The following FAM81B variants were observed in gnomAD, a reference collection of about 807,000 sequenced individuals.
FAM81B encodes the protein family with sequence similarity 81 member B, also known as protein FAM81B.
FAM81B carries 60 observed loss-of-function variants against 58.7 expected under a neutral mutation model. That is an observed-to-expected ratio of 1.02 (90% CI 0.83 to 1.27). The LOEUF is 1.27. Among genes scored for constraint, FAM81B ranks in the 50% most tolerant of loss-of-function variants. The pLI is 0.00. For synonymous variants in FAM81B, 189 were observed against 179.6 expected, an observed-to-expected ratio of 1.05 and a Z score of -0.42; for missense variants, 491 against 522.0, an observed-to-expected ratio of 0.94 and a Z score of 0.58.
At position 95,420,347 on chromosome 5, in the gene FAM81B, G is replaced by A. The variant is rs766816245; in HGVS notation, c.601G>A (p.Glu201Lys). 2.7e-5 allele frequency: 44 copies of A among 1,613,738 alleles called. No homozygotes were observed. The highest frequency in any genetic ancestry group is 1.1e-4 in the East Asian group (5 of 44,888). The change falls in exon 5 of 10, where the codon GAG (glutamate) becomes AAG (lysine). Residue 201 changes from glutamate (E) to lysine (K), a missense_variant. Glu to Lys is a moderately conservative substitution (Grantham distance 56). Coordinates refer to ENST00000283357, the MANE Select transcript of FAM81B (RefSeq NM_152548.3). ...CACAGGAACTAACTTTGCAGTACACGAGATAAACATCAAACACCTACAAGG... is the reference window on the plus strand; with the variant it reads ...CACAGGAACTAACTTTGCAGTACACAAGATAAACATCAAACACCTACAAGG... ...AATGTNFAVH[E>K]INIKHLQGVG...
At chr5:95,430,504 T>C (rs1744833066) in intron 6 of FAM81B, among the ~76,000 whole-genome samples, 1 of 151,944 alleles carries the variant, frequency 6.6e-6, no homozygotes, top group Non-Finnish European at 1.5e-5. Context: ...ACCTTCCTTA[T>C]CTTTTTTTAC....
chr5:95,409,849 A>G (rs565295989), intron 3 of FAM81B, among the ~76,000 whole-genome samples: 7 of 152,338 alleles, frequency 4.6e-5, no homozygotes, highest in African/African-American at 1.7e-4. Context: ...GGAAGAAACA[A>G]ACTTCTTATT....
intron 3 of FAM81B, among the ~76,000 whole-genome samples, chr5:95,413,443 T>A (rs1434702349): frequency 6.6e-6 from 1 of 152,166 alleles, no homozygotes; most frequent in Non-Finnish European, 1.5e-5. Flanking sequence ...ATAATTCTGT[T>A]AGACAATATG....
intron 7 of FAM81B, among the ~76,000 whole-genome samples, chr5:95,445,520 T>G (rs1311419096): frequency 3.3e-5 from 5 of 152,168 alleles, no homozygotes; most frequent in Non-Finnish European, 7.3e-5. Context: ...CAACTGATGA[T>G]ATATGATTCC....
intron 7 of FAM81B, among the ~76,000 whole-genome samples, chr5:95,442,176 C>T (rs1007862502): frequency 6.6e-6 from 1 of 152,128 alleles, no homozygotes; most frequent in East Asian, 1.9e-4. Flanking sequence ...AATGAATGAA[C>T]GATTTTTGAG....
At chr5:95,419,530 T>C (rs1349774224) in intron 4 of FAM81B, among the ~76,000 whole-genome samples, 1 of 152,178 alleles carries the variant, frequency 6.6e-6, no homozygotes, top group Non-Finnish European at 1.5e-5. Flanking sequence ...TTTTTAAATT[T>C]TTTAAATCAA....
At chr5:95,446,886 G>A (rs964826512) in intron 8 of FAM81B, among the ~76,000 whole-genome samples, 189 bp downstream of exon 8, 3 of 150,184 alleles carry the variant, frequency 2.0e-5, no homozygotes, top group Non-Finnish European at 3.0e-5. Flanking sequence ...CCCCAACTCT[G>A]CAAACCTGTG....
intron 7 of FAM81B, among the ~76,000 whole-genome samples, chr5:95,441,534 C>G (rs2152769925): frequency 6.6e-6 from 1 of 151,906 alleles, no homozygotes; most frequent in East Asian, 1.9e-4. Context: ...GTGCCACTCT[C>G]CTCCAGCCTG....
chr5:95,399,561 C>A (rs1388922760), intron 3 of FAM81B, among the ~76,000 whole-genome samples: 1 of 151,702 alleles, frequency 6.6e-6, no homozygotes, highest in Non-Finnish European at 1.5e-5. Flanking sequence ...CCCATAGGGA[C>A]CCCCAATTAG....
intron 3 of FAM81B, chr5:95,396,870 A>G (rs1761979554): frequency 1.3e-5 from 2 of 152,268 alleles, no homozygotes; most frequent in Admixed American, 1.3e-4. Flanking sequence ...TTTGCTGTGT[A>G]ACACCAGTCA....
At chr5:95,396,073 G>A (rs1401065370) in intron 2 of FAM81B, 38 bp from the exon 3 acceptor site, 5 of 1,473,882 alleles carry the variant, frequency 3.4e-6, no homozygotes, top group East Asian at 2.3e-5. Flanking sequence ...CTGTAAAGAA[G>A]CAGATGATAT....
intron 8 of FAM81B, 106 bp downstream of exon 8, chr5:95,446,803 C>A: frequency 7.1e-7 from 1 of 1,413,016 alleles, no homozygotes; most frequent in Non-Finnish European, 9.7e-7. Context: ...ATCTTCACTG[C>A]TTCAGTAACT....
At chr5:95,405,551 T>TA (rs1197197681) in intron 3 of FAM81B, among the ~76,000 whole-genome samples, 1 of 152,232 alleles carries the variant, frequency 6.6e-6, no homozygotes, top group Non-Finnish European at 1.5e-5. Flanking sequence ...CTTTTAGAAA[T>TA]TTATTGTGTA....
In FAM81B at chr5:95,428,544, T is replaced by C. The variant is rs558073227; in HGVS notation, c.657-59T>C. On this transcript the variant is annotated intron_variant, in intron 5 of 9. Transcript: ENST00000283357. ...ATCAAATGAATGTGCAGGTGTCTAC[T>C]ATAGTGTTAAAAATGTTATAAAGGT... 1.9e-6 allele frequency: 3 copies of C among 1,599,698 alleles called. No individual in the cohort carries two copies. In the Admixed American group the frequency reaches 5.1e-5, roughly 27 times the overall value.
chr5:95,412,376 T>G (rs1762428652), intron 3 of FAM81B, among the ~76,000 whole-genome samples: 1 of 152,192 alleles, frequency 6.6e-6, no homozygotes, highest in Admixed American at 6.5e-5. Flanking sequence ...ATAGTCACAC[T>G]ATTGTGTGTC....
chr5:95,443,494 C>T (rs1429891293), intron 7 of FAM81B, among the ~76,000 whole-genome samples: 2 of 152,114 alleles, frequency 1.3e-5, no homozygotes, highest in East Asian at 1.9e-4. Flanking sequence ...AATGCTCATA[C>T]ACCTATTGAA....
intron 4 of FAM81B, among the ~76,000 whole-genome samples, chr5:95,416,327 G>GA (rs917472671): frequency 2.6e-5 from 4 of 151,654 alleles, no homozygotes; most frequent in African/African-American, 9.7e-5. Flanking sequence ...TAAATGAAAT[G>GA]AAAAAAAAAT....
At chr5:95,430,599 T>C (rs1456599176) in intron 6 of FAM81B, among the ~76,000 whole-genome samples, 1 of 152,080 alleles carries the variant, frequency 6.6e-6, no homozygotes, top group Non-Finnish European at 1.5e-5. Flanking sequence ...AATATTTTGC[T>C]CTTTCAAACA....
At chr5:95,423,811 T>C (rs112300983) in intron 5 of FAM81B, among the ~76,000 whole-genome samples, 2 of 152,192 alleles carry the variant, frequency 1.3e-5, no homozygotes, top group Non-Finnish European at 2.9e-5. Context: ...TTACCAAATA[T>C]TGTGACATTT....
Sources: gnomAD v4.1 joint callset for allele counts (sites outside exome capture counted in the v4.1 genomes callset) on GRCh38, gnomAD v4.1.1 for gene constraint, MANE v1.5 for transcripts, NCBI Gene and HGNC (gene_info 2026-07-23, HGNC 2026-07-21) for gene names.